The following ANKRD22 variants were observed in gnomAD, a reference collection of about 807,000 sequenced individuals.
ANKRD22 encodes the protein ankyrin repeat domain-containing protein 22.
A neutral mutation model predicts 25.7 loss-of-function variants in ANKRD22; 24 were observed. The ratio of observed to expected loss-of-function variants is 0.93; its 90% CI spans 0.68 to 1.31. The LOEUF (loss-of-function observed/expected upper bound fraction) is 1.31. ANKRD22 is among the 50% of genes most tolerant of loss of function. The pLI is 0.00. For missense variants in ANKRD22, 214 were observed against 227.1 expected (o/e 0.94, Z 0.37); for synonymous variants, 84 against 84.3 (o/e 1.00, Z 0.02).
intron 1 of ANKRD22, among the ~76,000 whole-genome samples, chr10:88,841,945 A>G (rs1016192468): frequency 6.6e-6 from 1 of 152,116 alleles, no homozygotes; most frequent in Non-Finnish European, 1.5e-5. Context: ...TATTTGCTCA[A>G]ATAAATTCTT....
chr10:88,833,831 A>G (rs1010831478), intron 1 of ANKRD22, among the ~76,000 whole-genome samples: 1 of 152,200 alleles, frequency 6.6e-6, no homozygotes, highest in African/African-American at 2.4e-5. Context: ...TGGGCACTTC[A>G]GTGTCTCAGC....
At chr10:88,838,290 G>C (rs1214556) in intron 1 of ANKRD22, among the ~76,000 whole-genome samples, 63,145 of 152,002 alleles carry the variant, frequency 0.42, 14,272 homozygotes, top group African/African-American at 0.61. Context: ...AGTGAAGAGG[G>C]CAAGAGCAAG....
chr10:88,846,260 T>C (rs1844047802), intron 1 of ANKRD22, among the ~76,000 whole-genome samples: 1 of 152,154 alleles, frequency 6.6e-6, no homozygotes, highest in South Asian at 2.1e-4. Context: ...TGTCTTTAGT[T>C]ACTGCATTAC....
intron 1 of ANKRD22, among the ~76,000 whole-genome samples, chr10:88,849,006 ATGTG>A (rs113459404): frequency 6.0e-5 from 9 of 149,142 alleles, no homozygotes; most frequent in African/African-American, 1.2e-4. Context: ...GTGCATGTGC[ATGTG>A]TGTGTGTGTG....
chr10:88,823,433 T>TA, intron 4 of ANKRD22, 55 bp from the exon 5 acceptor site: 1 of 1,297,870 alleles, frequency 7.7e-7, no homozygotes, highest in South Asian at 1.2e-5. Context: ...CCACAGACCA[T>TA]AGCATGTGGC....
At chr10:88,831,074 A>G (rs1402428863) in intron 2 of ANKRD22, among the ~76,000 whole-genome samples, 1 of 152,210 alleles carries the variant, frequency 6.6e-6, no homozygotes, top group African/African-American at 2.4e-5. Flanking sequence ...GGGGATTTCC[A>G]GTGTTTTCTC....
intron 1 of ANKRD22, among the ~76,000 whole-genome samples, chr10:88,837,939 T>A (rs1752154435): frequency 6.6e-6 from 1 of 152,252 alleles, no homozygotes; most frequent in South Asian, 2.1e-4. Flanking sequence ...TGTGAGTCAA[T>A]TAAACTTCTT....
intron 1 of ANKRD22, among the ~76,000 whole-genome samples, chr10:88,847,892 C>T (rs1346329933): frequency 6.6e-6 from 1 of 151,882 alleles, no homozygotes; most frequent in Admixed American, 6.6e-5. Flanking sequence ...ATTTTTTACC[C>T]TTTGTGGACT....
rs1445278243 is a variant in ANKRD22, at chr10:88,820,932, G to T, written c.*2009C>A. Among the ~76,000 whole-genome samples the T allele has an allele frequency of 1.3e-5, 2 of 152,150 alleles. No individual in the cohort carries two copies. The highest frequency in any genetic ancestry group is 4.8e-5 in the African/African-American group (2 of 41,422). On this transcript the variant is annotated 3_prime_UTR_variant, in exon 6 of 6. Coordinates refer to ENST00000371930, the MANE Select transcript of ANKRD22 (RefSeq NM_144590.3). ...TAGACATTTTCACCTTGTTGCCACA[G>T]AGACATAACACTACCTCAGGAAGCT...
At chr10:88,835,560 A>G (rs1240072248) in intron 1 of ANKRD22, among the ~76,000 whole-genome samples, 1 of 152,208 alleles carries the variant, frequency 6.6e-6, no homozygotes, top group Non-Finnish European at 1.5e-5. Flanking sequence ...GGCAGTTGTA[A>G]CACAATTGTA....
chr10:88,833,102 C>T lies in ANKRD22; in HGVS notation c.22-1076G>A, dbSNP rs962261534. ...TGTACAATCATGTATTTAGGGCTAG[C>T]ATGAATCAGGAGAGGTTTGAGGCAG... On this transcript the variant is annotated intron_variant, in intron 1 of 5. Coordinates refer to ENST00000371930, the MANE Select transcript of ANKRD22 (RefSeq NM_144590.3). 2.0e-5 allele frequency among the ~76,000 whole-genome samples: 3 copies of T among 152,184 alleles called. No homozygotes were observed. The East Asian group carries it at 5.8e-4, about 29-fold the overall frequency.
In ANKRD22 at chr10:88,822,638, C is replaced by A. The variant is rs1042775602; in HGVS notation, c.*303G>T. 2 of 187,190 alleles carry A rather than the reference C, an allele frequency of 1.1e-5. No homozygotes were observed. The highest frequency in any genetic ancestry group is 2.0e-4 in the South Asian group (2 of 9,962). 11.6% of individuals were successfully genotyped at this position (187,190 alleles called of 1,614,324 possible). A position where few individuals can be genotyped will look rare whatever the true frequency, so the allele number is the denominator to read the frequency against. Reference sequence around the variant, plus strand: ...GTTCAAGTGATCCTCCCACCTCAGCCTCCCAAGTAGCTGGGATTACAGGCA... The same window carrying A: ...GTTCAAGTGATCCTCCCACCTCAGCATCCCAAGTAGCTGGGATTACAGGCA... On this transcript the variant is annotated 3_prime_UTR_variant, in exon 6 of 6. Coordinates refer to ENST00000371930, the MANE Select transcript of ANKRD22 (RefSeq NM_144590.3).
At chr10:88,841,054 C>T (rs753478437) in intron 1 of ANKRD22, among the ~76,000 whole-genome samples, 25 of 152,106 alleles carry the variant, frequency 1.6e-4, no homozygotes, top group Non-Finnish European at 2.9e-4. Context: ...ATGTTTTCTA[C>T]TCTTTATCCT....
intron 1 of ANKRD22, among the ~76,000 whole-genome samples, chr10:88,851,105 C>T (rs1589331266): frequency 1.3e-5 from 2 of 152,138 alleles, no homozygotes; most frequent in African/African-American, 2.4e-5. Flanking sequence ...TATTCCTCTT[C>T]TTCATAGTGA....
At chr10:88,831,276 T>C (rs749705466) in intron 2 of ANKRD22, among the ~76,000 whole-genome samples, 1 of 152,242 alleles carries the variant, frequency 6.6e-6, no homozygotes. Context: ...GGCTCCAAAG[T>C]AGCTAATATT....
rs1423454846 is a variant in ANKRD22, at chr10:88,826,100, G to C, written c.337C>G (p.Gln113Glu). The stretch of plus-strand genomic sequence containing the variant: ...AGCATTCGTACAAGAGCCTCATTCT[G>C]CTTTGTCTTTGATACCTATTACAAA... Reference protein sequence around the residue: ...GYFLMVSKTKQNEALVRMLLD... With the variant: ...GYFLMVSKTKENEALVRMLLD... Residue 113 changes from glutamine to glutamate, a missense_variant, in exon 4 of 6, where the codon CAG becomes GAG. Physicochemically the swap from Gln to Glu is conservative, Grantham distance 29 (BLOSUM62 2). Coordinates refer to ENST00000371930, the MANE Select transcript of ANKRD22 (RefSeq NM_144590.3). 6.2e-7 allele frequency: 1 copy of C among 1,611,878 alleles called. No homozygotes were observed. Among genetic ancestry groups the C allele is most frequent in the Non-Finnish European group, 8.5e-7 (1 of 1,178,730 alleles).
chr10:88,843,190 T>C (rs1401419589), intron 1 of ANKRD22, among the ~76,000 whole-genome samples: 1 of 152,150 alleles, frequency 6.6e-6, no homozygotes, highest in Non-Finnish European at 1.5e-5. Flanking sequence ...TTCACCTCCT[T>C]TTCCTAAAAT....
At chr10:88,830,892 T>C (rs1409014867) in intron 2 of ANKRD22, among the ~76,000 whole-genome samples, 1 of 152,236 alleles carries the variant, frequency 6.6e-6, no homozygotes, top group Admixed American at 6.5e-5. Context: ...GATCCTATTA[T>C]AGTCCACGAT....
intron 1 of ANKRD22, among the ~76,000 whole-genome samples, chr10:88,835,884 T>C (rs1457487775): frequency 6.6e-6 from 1 of 152,102 alleles, no homozygotes; most frequent in East Asian, 1.9e-4. Flanking sequence ...ACAAGCCAGG[T>C]ATGAAAAAGA....
Sources: allele counts gnomAD v4.1 joint callset (sites outside exome capture counted in the v4.1 genomes callset), GRCh38; gene constraint gnomAD v4.1.1; transcripts MANE v1.5; gene names NCBI Gene and HGNC (gene_info 2026-07-23, HGNC 2026-07-21).